Variants in SLC8A1 observed in about 807,000 individuals in gnomAD.
SLC8A1 encodes sodium/calcium exchanger 1.
In SLC8A1, 18 loss-of-function variants were observed where a neutral mutation model predicts 68.3. The observed-to-expected ratio is 0.26, with a 90% CI of 0.18 to 0.39. The LOEUF is 0.39. Ranked by LOEUF, SLC8A1 falls within the 10% of genes least tolerant of loss-of-function variation. The pLI is 1.00. For synonymous variants in SLC8A1, 475 were observed against 415.5 expected (o/e 1.14, Z -1.74); for missense variants, 985 against 1,156.7 (o/e 0.85, Z 2.15).
intron 2 of SLC8A1, 84 bp from the exon 3 acceptor site, chr2:40,178,577 C>G: frequency 8.8e-7 from 1 of 1,133,242 alleles, no homozygotes; most frequent in Non-Finnish European, 1.3e-6. Context: ...GCAAGGTTAA[C>G]CAGCTGCACT....
intron 2 of SLC8A1, among the ~76,000 whole-genome samples, chr2:40,397,309 T>C (rs1050580649): frequency 6.6e-6 from 1 of 152,160 alleles, no homozygotes; most frequent in African/African-American, 2.4e-5. Context: ...TCAGGTCAGT[T>C]TTCTAAGTTG....
chr2:40,453,170 TAG>T (rs2149884207), upstream of SLC8A1: 1 of 152,298 alleles, frequency 6.6e-6, no homozygotes, highest in Admixed American at 6.5e-5. Flanking sequence ...CCTGGGAATG[TAG>T]TCAGATGCTG....
intron 2 of SLC8A1, among the ~76,000 whole-genome samples, chr2:40,372,883 C>T (rs951163744): frequency 6.6e-6 from 1 of 152,004 alleles, no homozygotes; most frequent in African/African-American, 2.4e-5. Flanking sequence ...AGCAAATTGC[C>T]TCACTCTACT....
chr2:40,292,558 G>A (rs1166288308), intron 2 of SLC8A1, among the ~76,000 whole-genome samples: 1 of 152,176 alleles, frequency 6.6e-6, no homozygotes, highest in African/African-American at 2.4e-5. Flanking sequence ...TCTATCCCAG[G>A]AAGGCTCATT....
chr2:40,366,770 C>CT (rs34923880), intron 2 of SLC8A1, among the ~76,000 whole-genome samples: 62,970 of 148,650 alleles, frequency 0.42, 15,198 homozygotes, highest in Non-Finnish European at 0.55. Context: ...TATTCTTATG[C>CT]TTTTTTTTTT....
intron 2 of SLC8A1, among the ~76,000 whole-genome samples, chr2:40,194,248 TA>T (rs2052483559): frequency 6.6e-6 from 1 of 152,114 alleles, no homozygotes; most frequent in African/African-American, 2.4e-5. Context: ...GTTAAGTTTT[TA>T]AAGGAAATTA....
At chr2:40,443,189 T>C (rs1177370984) in intron 1 of SLC8A1, among the ~76,000 whole-genome samples, 1 of 152,108 alleles carries the variant, frequency 6.6e-6, no homozygotes, top group East Asian at 1.9e-4. Flanking sequence ...GGTTGATAGG[T>C]GCAGCATACC....
At chr2:40,496,132 T>C (rs1705684661) in intron 1 of SLC8A1, among the ~76,000 whole-genome samples, 1 of 152,090 alleles carries the variant, frequency 6.6e-6, no homozygotes, top group Admixed American at 6.6e-5. Flanking sequence ...AATGCAAGAA[T>C]ACAAAGCCCA....
intron 2 of SLC8A1, among the ~76,000 whole-genome samples, chr2:40,366,640 T>A (rs1676291165): frequency 6.6e-6 from 1 of 152,060 alleles, no homozygotes; most frequent in Non-Finnish European, 1.5e-5. Context: ...GTCATTTAGA[T>A]GGTTTGGAGG....
intron 2 of SLC8A1, among the ~76,000 whole-genome samples, chr2:40,390,578 T>C (rs534670609): frequency 6.6e-6 from 1 of 152,094 alleles, no homozygotes; most frequent in Non-Finnish European, 1.5e-5. Flanking sequence ...GCAATCTGTA[T>C]TTTAACAAAC....
At chr2:40,243,133 T>A (rs1338141957) in intron 2 of SLC8A1, among the ~76,000 whole-genome samples, 1 of 152,178 alleles carries the variant, frequency 6.6e-6, no homozygotes, top group African/African-American at 2.4e-5. Context: ...CTGTGATGCA[T>A]GGAATATTAA....
intron 2 of SLC8A1, among the ~76,000 whole-genome samples, chr2:40,197,122 G>T (rs2053199281): frequency 6.6e-6 from 1 of 151,966 alleles, no homozygotes; most frequent in Non-Finnish European, 1.5e-5. Flanking sequence ...TGTAGAATTG[G>T]ACCAGGTTTG....
exon 8 of SLC8A1, chr2:40,103,423 A>C (rs1460383481): frequency 6.6e-6 from 1 of 152,192 alleles, no homozygotes; most frequent in Non-Finnish European, 1.5e-5. Flanking sequence ...CAAGGGAGGC[A>C]TTTAAAAGAC....
At chr2:40,378,251 G>A (rs78322088) in intron 2 of SLC8A1, among the ~76,000 whole-genome samples, 3,543 of 152,200 alleles carry the variant, frequency 0.023, 58 homozygotes, top group Middle Eastern at 0.037. Flanking sequence ...GCAATTTCCT[G>A]GATTTCAGGA....
exon 2 of SLC8A1, chr2:40,428,854 C>T: frequency 1.9e-6 from 3 of 1,613,840 alleles, no homozygotes; most frequent in Non-Finnish European, 2.5e-6. Flanking sequence ...GATACCCACT[C>T]TGATTTCCTT....
At chr2:40,226,752 T>G (rs187730044) in intron 2 of SLC8A1, among the ~76,000 whole-genome samples, 76 of 152,292 alleles carry the variant, frequency 5.0e-4, no homozygotes, top group African/African-American at 1.7e-3. Context: ...GGCATCCAAC[T>G]GCTAATGAAT....
chr2:40,371,728 G>C (rs370309910), intron 2 of SLC8A1, among the ~76,000 whole-genome samples: 2 of 152,200 alleles, frequency 1.3e-5, no homozygotes, highest in African/African-American at 4.8e-5. Flanking sequence ...CTGTCTTTGA[G>C]ATGGGATGTG....
intron 2 of SLC8A1, among the ~76,000 whole-genome samples, chr2:40,292,156 G>A (rs1046000329): frequency 7.2e-5 from 11 of 152,074 alleles, no homozygotes. Flanking sequence ...TAAACCATGA[G>A]ACCAATATAC....
At chr2:40,374,995 T>C (rs1016173513) in intron 2 of SLC8A1, among the ~76,000 whole-genome samples, 1 of 152,010 alleles carries the variant, frequency 6.6e-6, no homozygotes, top group Non-Finnish European at 1.5e-5. Flanking sequence ...AATTCCAGAG[T>C]AATAAATCTT....
Sources: gnomAD v4.1 joint callset for allele counts (sites outside exome capture counted in the v4.1 genomes callset) on GRCh38, gnomAD v4.1.1 for gene constraint, MANE v1.5 for transcripts, NCBI Gene and HGNC (gene_info 2026-07-23, HGNC 2026-07-21) for gene names.